The following BAZ2B variants were observed in gnomAD, a reference collection of about 807,000 sequenced individuals.
The protein encoded by BAZ2B is bromodomain adjacent to zinc finger domain protein 2B.
BAZ2B carries 91 observed loss-of-function variants against 246.0 expected under a neutral mutation model. That is an observed-to-expected ratio of 0.37 (90% CI 0.31 to 0.44). The LOEUF is 0.44. Ranked by LOEUF, BAZ2B falls within the 20% of genes least tolerant of loss-of-function variation. BAZ2B has a pLI of 1.00. For synonymous variants in BAZ2B, 855 were observed against 860.0 expected, an observed-to-expected ratio of 0.99 and a Z score of 0.10; for missense variants, 2,332 against 2,533.7, an observed-to-expected ratio of 0.92 and a Z score of 1.71.
chr2:159,349,304 A>G (rs1482893013), intron 28 of BAZ2B, 24 bp from the exon 29 acceptor site: 39 of 1,565,672 alleles, frequency 2.5e-5, no homozygotes, highest in Non-Finnish European at 3.4e-5. Context: ...ACATTTATTA[A>G]TGAAAAGTAG....
intron 2 of BAZ2B, among the ~76,000 whole-genome samples, chr2:159,485,915 T>TCCAAGGGTAAACC (rs2150984357): frequency 6.6e-6 from 1 of 152,192 alleles, no homozygotes; most frequent in African/African-American, 2.4e-5. Flanking sequence ...TGAGAAATTA[T>TCCAAGGGTAAACC]CCAAGGGTAA....
At chr2:159,485,336 T>C (rs1308064631) in intron 2 of BAZ2B, among the ~76,000 whole-genome samples, 2 of 152,124 alleles carry the variant, frequency 1.3e-5, no homozygotes, top group East Asian at 3.8e-4. Context: ...GCAGACAAAA[T>C]TATTCTTTGA....
the BAZ2B span, chr2:159,690,268 C>A: frequency 2.9e-6 from 1 of 344,350 alleles, no homozygotes; most frequent in Non-Finnish European, 5.7e-6. Context: ...CCACTTTCGT[C>A]TTGGCTCCCT....
chr2:159,625,102 A>T, the BAZ2B span, among the ~76,000 whole-genome samples: 1 of 152,118 alleles, frequency 6.6e-6, no homozygotes, highest in Non-Finnish European at 1.5e-5. Flanking sequence ...CAACTTAATA[A>T]AATAAAGCGA....
chr2:159,472,004 G>C (rs2077861170), intron 3 of BAZ2B, among the ~76,000 whole-genome samples: 1 of 152,176 alleles, frequency 6.6e-6, no homozygotes, highest in Non-Finnish European at 1.5e-5. Flanking sequence ...GAGCTGGGGA[G>C]ATATGGCAGA....
At chr2:159,411,046 G>C (rs1433671473) in intron 14 of BAZ2B, among the ~76,000 whole-genome samples, 8 of 152,166 alleles carry the variant, frequency 5.3e-5, no homozygotes, top group African/African-American at 1.9e-4. Context: ...TTTAGAGACA[G>C]GGTCTCACTC....
intron 20 of BAZ2B, among the ~76,000 whole-genome samples, chr2:159,391,535 T>G (rs1164396326): frequency 6.6e-6 from 1 of 152,154 alleles, no homozygotes; most frequent in Non-Finnish European, 1.5e-5. Flanking sequence ...TTGCTATTAC[T>G]TCTTAAAAAG....
chr2:159,693,710 C>CT, the BAZ2B span: 748 of 142,336 alleles, frequency 5.3e-3, 4 homozygotes, highest in African/African-American at 0.013. Flanking sequence ...ACCTGACCAT[C>CT]TTTTTTTTTT....
chr2:159,506,504 T>C (rs1335860651), intron 2 of BAZ2B, among the ~76,000 whole-genome samples: 1 of 152,204 alleles, frequency 6.6e-6, no homozygotes, highest in Non-Finnish European at 1.5e-5. Context: ...AAAGGGTTGA[T>C]GTAGACTTCT....
At chr2:159,646,410 C>A in the BAZ2B span, among the ~76,000 whole-genome samples, 8 of 151,974 alleles carry the variant, frequency 5.3e-5, no homozygotes, top group South Asian at 1.7e-3. Flanking sequence ...ACAATTTTTG[C>A]AGTTAATGCA....
chr2:159,348,227 G>A (rs972300112), intron 30 of BAZ2B, among the ~76,000 whole-genome samples: 4 of 148,908 alleles, frequency 2.7e-5, no homozygotes, highest in African/African-American at 7.5e-5. Context: ...GGCTGAGGCA[G>A]GAAGATTGCT....
At chr2:159,504,220 G>C (rs2082107657) in intron 2 of BAZ2B, among the ~76,000 whole-genome samples, 1 of 151,800 alleles carries the variant, frequency 6.6e-6, no homozygotes, top group African/African-American at 2.4e-5. Flanking sequence ...GTGCAGGTTA[G>C]TTACATATGT....
chr2:159,673,221 G>T, the BAZ2B span, among the ~76,000 whole-genome samples: 2 of 152,066 alleles, frequency 1.3e-5, no homozygotes, highest in African/African-American at 4.8e-5. Context: ...AGATGATTCA[G>T]AAAAATAATA....
At chr2:159,495,750 T>C (rs1054085146) in intron 2 of BAZ2B, among the ~76,000 whole-genome samples, 9 of 151,298 alleles carry the variant, frequency 5.9e-5, no homozygotes, top group African/African-American at 1.2e-4. Flanking sequence ...AAACTATATA[T>C]ACATTTTAAT....
chr2:159,342,430 C>T (rs1345038133), intron 31 of BAZ2B, among the ~76,000 whole-genome samples: 2 of 152,168 alleles, frequency 1.3e-5, no homozygotes, highest in African/African-American at 2.4e-5. Flanking sequence ...GGACTATAGG[C>T]ACGTGTCACT....
In BAZ2B at chr2:159,386,402, C is replaced by T; in HGVS notation, c.3422G>A (p.Arg1141Lys). The change falls in exon 22 of 37, where the codon AGG (arginine) becomes AAG (lysine). Residue 1141 changes from arginine to lysine, a missense_variant. Transcript: ENST00000392783. Reference sequence around the variant, plus strand: ...ATCACATACAGCAGCTGAGAGGAGCCTCACAAGCAAGTCTTGTACTTCACC... The same window carrying T: ...ATCACATACAGCAGCTGAGAGGAGCTTCACAAGCAAGTCTTGTACTTCACC... ...SMGEVQDLLV[R>K]LLSAAVCDPG... 2 of 1,613,356 alleles carry T rather than the reference C, an allele frequency of 1.2e-6. No individual in the cohort carries two copies. Among genetic ancestry groups the T allele is most frequent in the Non-Finnish European group, 1.7e-6 (2 of 1,179,640 alleles).
chr2:159,452,014 T>C (rs2075157531), intron 4 of BAZ2B, among the ~76,000 whole-genome samples: 1 of 152,188 alleles, frequency 6.6e-6, no homozygotes, highest in Non-Finnish European at 1.5e-5. Flanking sequence ...TAAATATCTG[T>C]GGAATGCTCA....
chr2:159,643,672 A>G, the BAZ2B span, among the ~76,000 whole-genome samples: 1 of 152,028 alleles, frequency 6.6e-6, no homozygotes, highest in African/African-American at 2.4e-5. Flanking sequence ...ATTAGGAGTT[A>G]AAGACCAGCC....
intron 31 of BAZ2B, among the ~76,000 whole-genome samples, chr2:159,345,955 G>C (rs1359504163): frequency 2.0e-5 from 3 of 152,108 alleles, no homozygotes; most frequent in Non-Finnish European, 4.4e-5. Context: ...AATTTAAGAA[G>C]GCAATGAAAT....
Sources: gnomAD v4.1 joint callset for allele counts (sites outside exome capture counted in the v4.1 genomes callset) on GRCh38, gnomAD v4.1.1 for gene constraint, MANE v1.5 for transcripts, NCBI Gene and HGNC (gene_info 2026-07-23, HGNC 2026-07-21) for gene names.